Variants in LRP1B observed in about 807,000 individuals in gnomAD.
The protein encoded by LRP1B is LDL receptor related protein 1B.
In LRP1B, 217 loss-of-function variants were observed where a neutral mutation model predicts 556.6. The ratio of observed to expected loss-of-function variants is 0.39; its 90% CI spans 0.35 to 0.44. The LOEUF (loss-of-function observed/expected upper bound fraction) is 0.44, where lower values mean the gene tolerates loss of function less well. LRP1B is among the 20% of genes least tolerant of loss of function. LRP1B has a pLI of 1.00. For synonymous variants in LRP1B, 2,047 were observed against 1,865.8 expected (o/e 1.10, Z -2.50); for missense variants, 5,053 against 5,620.8 (o/e 0.90, Z 3.23).
chr2:140,323,794 A>AT (rs1680298186), intron 81 of LRP1B, 99 bp downstream of exon 81: 2 of 574,918 alleles, frequency 3.5e-6, no homozygotes, highest in East Asian at 6.3e-5. Context: ...ACTGAGGTTA[A>AT]GACATTTACA....
chr2:141,059,597 AT>A (rs1430367215), intron 8 of LRP1B, among the ~76,000 whole-genome samples: 4 of 151,842 alleles, frequency 2.6e-5, no homozygotes, highest in Non-Finnish European at 5.9e-5. Context: ...AAGAAATCAC[AT>A]ATTTGCAATC....
chr2:141,721,261 T>C (rs928038803), intron 2 of LRP1B, among the ~76,000 whole-genome samples: 4 of 152,188 alleles, frequency 2.6e-5, no homozygotes, highest in African/African-American at 9.6e-5. Context: ...GCTTGACTGG[T>C]TTTTGAAATA....
At chr2:141,168,760 G>A (rs1680371282) in intron 7 of LRP1B, among the ~76,000 whole-genome samples, 1 of 152,024 alleles carries the variant, frequency 6.6e-6, no homozygotes, top group African/African-American at 2.4e-5. Context: ...GGTGAAATGT[G>A]TGACATGTAG....
intron 11 of LRP1B, among the ~76,000 whole-genome samples, chr2:141,040,462 A>C (rs1698664447): frequency 6.6e-6 from 1 of 152,044 alleles, no homozygotes; most frequent in Non-Finnish European, 1.5e-5. Flanking sequence ...GAGGTGATTT[A>C]AAGGTGCAGA....
intron 1 of LRP1B, among the ~76,000 whole-genome samples, chr2:141,944,041 G>A (rs1700888653): frequency 6.6e-6 from 1 of 152,126 alleles, no homozygotes; most frequent in South Asian, 2.1e-4. Context: ...AACTTCCATG[G>A]CTCCACCCTG....
intron 2 of LRP1B, among the ~76,000 whole-genome samples, chr2:141,649,945 C>T (rs527648896): frequency 2.6e-5 from 4 of 152,206 alleles, no homozygotes; most frequent in South Asian, 2.1e-4. Flanking sequence ...TTTGGGAGGC[C>T]GAAGCAGATG....
At chr2:141,213,525 T>C (rs1682656721) in intron 6 of LRP1B, among the ~76,000 whole-genome samples, 1 of 152,046 alleles carries the variant, frequency 6.6e-6, no homozygotes, top group Non-Finnish European at 1.5e-5. Context: ...CTTTGGGACA[T>C]GGGAAGAAAC....
At chr2:141,921,881 T>C (rs965129493) in intron 1 of LRP1B, among the ~76,000 whole-genome samples, 1 of 152,024 alleles carries the variant, frequency 6.6e-6, no homozygotes, top group African/African-American at 2.4e-5. Context: ...CACTTAAGGG[T>C]TTCAGAGTAG....
At chr2:141,376,152 G>T (rs1689426444) in intron 3 of LRP1B, among the ~76,000 whole-genome samples, 1 of 152,126 alleles carries the variant, frequency 6.6e-6, no homozygotes, top group South Asian at 2.1e-4. Flanking sequence ...TTTCAAAATA[G>T]CACTCAGCTC....
chr2:140,479,446 C>T (rs1482857453), intron 59 of LRP1B, among the ~76,000 whole-genome samples: 1 of 152,010 alleles, frequency 6.6e-6, no homozygotes, highest in Non-Finnish European at 1.5e-5. Flanking sequence ...CAAATAGTAC[C>T]TATTCTGCGA....
intron 1 of LRP1B, among the ~76,000 whole-genome samples, chr2:141,890,706 A>G (rs983385722): frequency 6.6e-6 from 1 of 152,016 alleles, no homozygotes; most frequent in South Asian, 2.1e-4. Flanking sequence ...ATAACCTGCA[A>G]TGATAAATAG....
intron 35 of LRP1B, among the ~76,000 whole-genome samples, chr2:140,729,979 T>C (rs1235459460): frequency 6.6e-6 from 1 of 152,190 alleles, no homozygotes; most frequent in Non-Finnish European, 1.5e-5. Flanking sequence ...TCTCAACTGA[T>C]GGAAGGAACA....
At position 140,231,469 on chromosome 2, in the gene LRP1B, A is replaced by G. The variant is rs748447821; in HGVS notation, c.*1717T>C. On this transcript the variant is annotated 3_prime_UTR_variant, in exon 91 of 91. Coordinates refer to ENST00000389484, the MANE Select transcript of LRP1B (RefSeq NM_018557.3). Reference sequence around the variant, plus strand: ...TAAATAAGTCAGTCAACAATTTTTTATAAAGTATTTAACACTTCATTGTAG... The same window carrying G: ...TAAATAAGTCAGTCAACAATTTTTTGTAAAGTATTTAACACTTCATTGTAG... The G allele has an allele frequency of 6.6e-6, 1 of 151,850 alleles. No homozygotes were observed. Among genetic ancestry groups the G allele is most frequent in the Non-Finnish European group, 1.5e-5 (1 of 67,584 alleles). 9.4% of individuals were successfully genotyped at this position (151,850 alleles called of 1,614,324 possible).
rs1428927009 is a variant in LRP1B at position 141,404,481 on chromosome 2, C to T, written c.343+75915G>A. ...ACAAGTTCTAAGCATCTAACATATGCATTTGTTATGCTTTTAGCTTTGGAG... is the reference window on the plus strand; with the variant it reads ...ACAAGTTCTAAGCATCTAACATATGTATTTGTTATGCTTTTAGCTTTGGAG... On this transcript the variant is annotated intron_variant, in intron 3 of 90. Coordinates refer to ENST00000389484, the MANE Select transcript of LRP1B (RefSeq NM_018557.3). Among the ~76,000 whole-genome samples, 8 of 152,174 alleles carry T rather than the reference C, an allele frequency of 5.3e-5. No individual in the cohort carries two copies. The East Asian group carries it at 1.4e-3, about 26-fold the overall frequency.
intron 1 of LRP1B, among the ~76,000 whole-genome samples, chr2:142,068,941 T>C (rs1029868232): frequency 4.0e-5 from 6 of 151,648 alleles, no homozygotes; most frequent in Non-Finnish European, 7.4e-5. Flanking sequence ...AATAATAGAA[T>C]GTAGCTGAAG....
intron 32 of LRP1B, among the ~76,000 whole-genome samples, chr2:140,776,514 T>C (rs1689505154): frequency 1.3e-5 from 2 of 149,614 alleles, no homozygotes; most frequent in African/African-American, 4.9e-5. Context: ...TTACATAACA[T>C]GTAAGTATAT....
chr2:140,657,566 C>CGCAT (rs201117071), intron 41 of LRP1B, among the ~76,000 whole-genome samples: 1 of 144,968 alleles, frequency 6.9e-6, no homozygotes, highest in African/African-American at 2.5e-5. Flanking sequence ...TATATATATA[C>CGCAT]ACATACATAC....
chr2:141,591,288 A>T (rs1031548638), intron 2 of LRP1B, among the ~76,000 whole-genome samples: 1 of 151,576 alleles, frequency 6.6e-6, no homozygotes, highest in Non-Finnish European at 1.5e-5. Flanking sequence ...ATTAGGAAAG[A>T]TCCAGATGCC....
At chr2:141,822,807 A>T (rs1169829219) in intron 1 of LRP1B, among the ~76,000 whole-genome samples, 2 of 152,230 alleles carry the variant, frequency 1.3e-5, no homozygotes, top group African/African-American at 4.8e-5. Context: ...GAATATAATG[A>T]TGAAGACAAC....
Sources: allele counts gnomAD v4.1 joint callset (sites outside exome capture counted in the v4.1 genomes callset), GRCh38; gene constraint gnomAD v4.1.1; transcripts MANE v1.5; gene names NCBI Gene and HGNC (gene_info 2026-07-23, HGNC 2026-07-21).